Variants in SLTM observed in about 807,000 individuals in gnomAD.
SLTM encodes SAFB-like transcription modulator.
In SLTM, 43 loss-of-function variants were observed where a neutral mutation model predicts 134.6. The observed-to-expected ratio is 0.32, with a 90% CI of 0.25 to 0.41. The LOEUF (loss-of-function observed/expected upper bound fraction) is 0.41. SLTM is among the 10% of genes least tolerant of loss of function. The pLI is 1.00. For synonymous variants in SLTM, 424 were observed against 432.3 expected, an observed-to-expected ratio of 0.98 and a Z score of 0.24; for missense variants, 1,055 against 1,288.8, an observed-to-expected ratio of 0.82 and a Z score of 2.78.
At position 58,894,413 on chromosome 15, in the gene SLTM, A is replaced by C; in HGVS notation, c.1377+20T>G. On this transcript the variant is annotated intron_variant, in intron 10 of 20. Coordinates refer to ENST00000380516, the MANE Select transcript of SLTM (RefSeq NM_024755.4). Reference sequence around the variant, plus strand: ...GCCATCAAATTAGACTTGCTTTGATAAACAGTTAGGGAAGCTTACTTTTTC... The same window carrying C: ...GCCATCAAATTAGACTTGCTTTGATCAACAGTTAGGGAAGCTTACTTTTTC... The C allele has an allele frequency of 6.2e-7, 1 of 1,613,594 alleles. No homozygotes were observed.
intron 2 of SLTM, among the ~76,000 whole-genome samples, chr15:58,919,892 T>C (rs955589932): frequency 6.6e-6 from 1 of 152,182 alleles, no homozygotes; most frequent in Non-Finnish European, 1.5e-5. Context: ...ATACCTTGCC[T>C]AAAACTTGAA....
At chr15:58,930,977 A>T (rs895100815) in intron 2 of SLTM, among the ~76,000 whole-genome samples, 2 of 152,136 alleles carry the variant, frequency 1.3e-5, no homozygotes, top group Non-Finnish European at 2.9e-5. Flanking sequence ...ACAACCTGGG[A>T]CTATGATTAA....
chr15:58,897,086 A>G, intron 9 of SLTM, 29 bp downstream of exon 9: 1 of 1,300,160 alleles, frequency 7.7e-7, no homozygotes, highest in Non-Finnish European at 1.1e-6. Flanking sequence ...GACACCAGAA[A>G]GACAGATAAA....
At chr15:58,894,396 ATTAGACTTGC>A (rs765897895) in intron 10 of SLTM, 27 bp downstream of exon 10, 2 of 1,612,528 alleles carry the variant, frequency 1.2e-6, no homozygotes, top group Middle Eastern at 1.7e-4. Context: ...TAGCCATCAA[ATTAGACTTGC>A]TTTGATAAAC....
chr15:58,894,747 C>G (rs1393073621), intron 9 of SLTM, among the ~76,000 whole-genome samples, 165 bp from the exon 10 acceptor site: 1 of 147,986 alleles, frequency 6.8e-6, no homozygotes, highest in Non-Finnish European at 1.5e-5. Flanking sequence ...CTCTGTCACG[C>G]AGGCTGGAGT....
At chr15:58,898,448 G>A (rs564935661) in intron 8 of SLTM, 7 of 164,852 alleles carry the variant, frequency 4.2e-5, no homozygotes, top group African/African-American at 1.7e-4. Context: ...AAAGGTTGTG[G>A]TGATACACAG....
chr15:58,924,643 T>C lies in SLTM; in HGVS notation c.251-7644A>G, dbSNP rs192461006. ...CTTTCAGTTTTCAGAACTTTTTGTA[T>C]TTGAGAATTCTGAGGATTTTGGATG... On this transcript the variant is annotated intron_variant, in intron 2 of 20. Transcript: ENST00000380516. Among the ~76,000 whole-genome samples, 38 of 152,340 alleles carry C rather than the reference T, an allele frequency of 2.5e-4. No homozygotes were observed. The East Asian group carries it at 6.6e-3, about 26-fold the overall frequency.
At chr15:58,921,152 T>C (rs1595928189) in intron 2 of SLTM, among the ~76,000 whole-genome samples, 1 of 152,278 alleles carries the variant, frequency 6.6e-6, no homozygotes, top group East Asian at 1.9e-4. Flanking sequence ...ATGGTCCAGG[T>C]GCTAGGATAA....
rs1465213799 is a variant in SLTM, at chr15:58,897,014, T to C, written c.1227+101A>G. The C allele has an allele frequency of 5.5e-6, 4 of 730,192 alleles. No homozygotes were observed. The Admixed American group carries it at 8.5e-5, about 16-fold the overall frequency. 45.2% of individuals were successfully genotyped at this position (730,192 alleles called of 1,614,324 possible). On this transcript the variant is annotated intron_variant, in intron 9 of 20. Coordinates refer to ENST00000380516, the MANE Select transcript of SLTM (RefSeq NM_024755.4). ...TATGTCTATTAACAGTCCTAAGAGA[T>C]ACAATAAATTAGAAGATATTCATGT...
At chr15:58,894,026 C>T (rs2034875201) in intron 11 of SLTM, 39 bp from the exon 12 acceptor site, 2 of 1,602,358 alleles carry the variant, frequency 1.2e-6, no homozygotes, top group African/African-American at 2.7e-5. Flanking sequence ...AGAATGAGTA[C>T]TTCATAATGT....
intron 2 of SLTM, among the ~76,000 whole-genome samples, chr15:58,918,915 C>CT (rs566389959): frequency 1.8e-3 from 256 of 144,926 alleles, no homozygotes; most frequent in Middle Eastern, 3.7e-3. Context: ...CTACTAAATT[C>CT]TTTTTTTTTT....
At chr15:58,884,389 G>C (rs2140937165) in intron 19 of SLTM, among the ~76,000 whole-genome samples, 1 of 151,914 alleles carries the variant, frequency 6.6e-6, no homozygotes, top group East Asian at 1.9e-4. Context: ...CGCGATCTCG[G>C]CTCACTGCAA....
chr15:58,888,439 C>G lies in SLTM; in HGVS notation c.2321G>C (p.Arg774Pro). 1.2e-6 allele frequency: 2 copies of G among 1,613,618 alleles called. No individual in the cohort carries two copies. The highest frequency in any genetic ancestry group is 1.7e-6 in the Non-Finnish European group (2 of 1,179,886). ...QQNRFNDFDH[R>P]ERGRFPESSA... ...ACTCTCAGGAAACCTGCCCCTCTCT[C>G]GGTGATCAAAGTCATTAAATCTGTT... The change falls in exon 17 of 21, where the codon CGA (arginine) becomes CCA (proline). Residue 774 changes from arginine (R) to proline (P), a missense_variant. By Grantham distance (103) the Arg-to-Pro change is moderately radical. Coordinates refer to ENST00000380516, the MANE Select transcript of SLTM (RefSeq NM_024755.4).
At chr15:58,917,588 C>T (rs879937649) in intron 2 of SLTM, among the ~76,000 whole-genome samples, 1 of 152,090 alleles carries the variant, frequency 6.6e-6, no homozygotes, top group Non-Finnish European at 1.5e-5. Flanking sequence ...CTCCAAAAGC[C>T]TAAATATAAA....
At chr15:58,881,837 T>C (rs1276890969) in intron 20 of SLTM, among the ~76,000 whole-genome samples, 1 of 151,894 alleles carries the variant, frequency 6.6e-6, no homozygotes, top group Non-Finnish European at 1.5e-5. Flanking sequence ...GTTCAAGTGA[T>C]CTACCTACCT....
chr15:58,925,627 C>T (rs1398620066), intron 2 of SLTM, among the ~76,000 whole-genome samples: 2 of 152,166 alleles, frequency 1.3e-5, no homozygotes, highest in Non-Finnish European at 2.9e-5. Flanking sequence ...AGTGAGCCAT[C>T]CCACCTGGCC....
chr15:58,890,500 T>C, intron 14 of SLTM, 39 bp from the exon 15 acceptor site: 1 of 1,574,314 alleles, frequency 6.4e-7, no homozygotes, highest in Non-Finnish European at 8.6e-7. Flanking sequence ...TAAATTATGC[T>C]AGCACTGTGT....
chr15:58,882,325 GT>G (rs1299547114), intron 20 of SLTM, among the ~76,000 whole-genome samples: 3 of 152,084 alleles, frequency 2.0e-5, no homozygotes, highest in African/African-American at 7.2e-5. Context: ...GGACACAAAG[GT>G]TTGAAAAAGG....
Position 58,916,891 on chromosome 15 carries a change from T to A in SLTM, c.315+44A>T, listed in dbSNP as rs551592182. On this transcript the variant is annotated intron_variant, in intron 3 of 20. Transcript: ENST00000380516. ...GCACAAAATTCATGATGCAAAATAC[T>A]AGGCTTAAAATAAGCATCTTAACCT... is the stretch of plus-strand genomic sequence containing the variant. 4 of 1,552,194 alleles carry A rather than the reference T, an allele frequency of 2.6e-6. No individual in the cohort carries two copies. The East Asian group carries it at 9.0e-5, about 35-fold the overall frequency.
Sources: allele counts gnomAD v4.1 joint callset (sites outside exome capture counted in the v4.1 genomes callset), GRCh38; gene constraint gnomAD v4.1.1; transcripts MANE v1.5; gene names NCBI Gene and HGNC (gene_info 2026-07-23, HGNC 2026-07-21).